Variants in VAV3 observed in about 807,000 individuals in gnomAD.
The protein encoded by VAV3 is guanine nucleotide exchange factor VAV3.
Under a neutral mutation model 131.2 loss-of-function variants are expected in VAV3, and 94 were observed. The ratio of observed to expected loss-of-function variants is 0.72; its 90% CI spans 0.61 to 0.85. VAV3 has a LOEUF of 0.85. Among genes scored for constraint, VAV3 ranks in the 40% least tolerant of loss-of-function variants. The probability of loss-of-function intolerance (pLI) is 0.00; values close to 1 mark genes in which losing one functional copy is unlikely to be tolerated. For synonymous variants in VAV3, 349 were observed against 342.0 expected, an observed-to-expected ratio of 1.02 and a Z score of -0.22; for missense variants, 939 against 1,002.7, an observed-to-expected ratio of 0.94 and a Z score of 0.86.
At chr1:107,949,717 A>G (rs373691277) in intron 1 of VAV3, among the ~76,000 whole-genome samples, 7 of 152,258 alleles carry the variant, frequency 4.6e-5, no homozygotes, top group African/African-American at 1.7e-4. Context: ...TATATTTTAC[A>G]GAATCCCAAA....
chr1:107,753,511 C>CACATATATACATAT (rs1663883814), intron 12 of VAV3, among the ~76,000 whole-genome samples: 1 of 88,510 alleles, frequency 1.1e-5, no homozygotes, highest in African/African-American at 4.2e-5. Flanking sequence ...TATATATACA[C>CACATATATACATAT]ACATATATAT....
chr1:107,577,961 C>T (rs1649770288), intron 25 of VAV3, among the ~76,000 whole-genome samples: 2 of 152,184 alleles, frequency 1.3e-5, no homozygotes, highest in South Asian at 4.1e-4. Flanking sequence ...AATGAGTTCA[C>T]ATCATCTTCC....
rs144114266 is a variant in VAV3 at position 107,768,426 on chromosome 1, C to A, written c.717+15G>T. 2 of 1,604,366 alleles carry A rather than the reference C, an allele frequency of 1.2e-6. No homozygotes were observed. Among genetic ancestry groups the A allele is most frequent in the African/African-American group, 2.7e-5 (2 of 74,808 alleles). ...TGAAGTACACCACAATTTTAGCTAG[C>A]ATATTTTTACTCACAGGAATGTTGA... On this transcript the variant is annotated intron_variant, in intron 7 of 26. Transcript: ENST00000370056.
intron 2 of VAV3, chr1:107,785,463 G>C: frequency 7.5e-7 from 1 of 1,328,652 alleles, no homozygotes; most frequent in Non-Finnish European, 9.9e-7. Context: ...CTTACAGGGA[G>C]GTGGGCTCTG....
intron 15 of VAV3, among the ~76,000 whole-genome samples, chr1:107,728,602 T>C (rs1662005169): frequency 2.1e-5 from 2 of 95,252 alleles, no homozygotes; most frequent in Non-Finnish European, 5.0e-5. Context: ...TACGTATACG[T>C]ATATGTATAT....
chr1:107,666,352 G>A (rs1433062951), intron 19 of VAV3, among the ~76,000 whole-genome samples: 2 of 152,186 alleles, frequency 1.3e-5, no homozygotes, highest in Admixed American at 6.5e-5. Context: ...CAAAAATATA[G>A]TTCTTGGAGA....
chr1:107,739,466 G>A (rs549286726), intron 15 of VAV3, among the ~76,000 whole-genome samples: 38 of 152,236 alleles, frequency 2.5e-4, no homozygotes, highest in African/African-American at 8.9e-4. Context: ...AGGGAGAGTT[G>A]AGCTGGCTTC....
intron 1 of VAV3, among the ~76,000 whole-genome samples, chr1:107,918,934 T>C (rs1368378289): frequency 1.3e-5 from 2 of 151,994 alleles, no homozygotes; most frequent in Non-Finnish European, 2.9e-5. Context: ...CTTGAACTCC[T>C]GACCTCAGGT....
intron 1 of VAV3, among the ~76,000 whole-genome samples, chr1:107,879,767 C>T (rs567082463): frequency 3.3e-5 from 5 of 152,032 alleles, no homozygotes; most frequent in African/African-American, 1.2e-4. Context: ...CATAAGTTAA[C>T]TTAACAATTT....
chr1:107,596,537 T>C (rs1054629685), intron 24 of VAV3, among the ~76,000 whole-genome samples, 196 bp from the exon 25 acceptor site: 1 of 152,098 alleles, frequency 6.6e-6, no homozygotes, highest in Admixed American at 6.6e-5. Context: ...GCTGTCCTTG[T>C]TACTCAGGCC....
chr1:107,891,808 C>T (rs1249964431), intron 1 of VAV3, among the ~76,000 whole-genome samples: 1 of 135,424 alleles, frequency 7.4e-6, no homozygotes, highest in African/African-American at 2.8e-5. Flanking sequence ...CATTGCAGTC[C>T]AGCCTGGGGG....
intron 19 of VAV3, among the ~76,000 whole-genome samples, chr1:107,645,401 A>G (rs553385131): frequency 6.6e-6 from 1 of 151,548 alleles, no homozygotes; most frequent in East Asian, 1.9e-4. Flanking sequence ...TTTCAGCATG[A>G]TCTGTTGTCA....
chr1:107,669,545 C>T (rs546594118), intron 19 of VAV3: 1 of 1,240,604 alleles, frequency 8.1e-7, no homozygotes, highest in Non-Finnish European at 1.0e-6. Flanking sequence ...CCATTCCTAT[C>T]TTTGATACTC....
intron 15 of VAV3, among the ~76,000 whole-genome samples, chr1:107,727,414 C>G (rs1217222413): frequency 6.6e-6 from 1 of 152,212 alleles, no homozygotes; most frequent in Non-Finnish European, 1.5e-5. Context: ...TTCTCAGCTG[C>G]TTTAACTTTC....
chr1:107,885,880 G>A (rs1418496102), intron 1 of VAV3, among the ~76,000 whole-genome samples: 3 of 152,188 alleles, frequency 2.0e-5, no homozygotes, highest in Non-Finnish European at 4.4e-5. Flanking sequence ...GGGAGCTACA[G>A]GTTCTTTCCT....
At chr1:107,699,645 C>A (rs1007015167) in intron 17 of VAV3, among the ~76,000 whole-genome samples, 2 of 152,218 alleles carry the variant, frequency 1.3e-5, no homozygotes, top group Non-Finnish European at 2.9e-5. Context: ...AGGGCCCTGA[C>A]CCTGCAGCAG....
intron 25 of VAV3, chr1:107,578,816 A>T (rs191757728): frequency 1.3e-4 from 126 of 984,954 alleles, no homozygotes; most frequent in Non-Finnish European, 1.5e-4. Flanking sequence ...ATAAAACACT[A>T]TATTTCTCCA....
intron 11 of VAV3, 92 bp downstream of exon 11, chr1:107,757,169 G>C: frequency 2.6e-6 from 2 of 782,066 alleles, no homozygotes; most frequent in Non-Finnish European, 4.3e-6. Context: ...GTGTGTGTGT[G>C]TGTGTGTGTG....
intron 1 of VAV3, among the ~76,000 whole-genome samples, chr1:107,946,396 G>T (rs978534389): frequency 6.6e-6 from 1 of 152,182 alleles, no homozygotes; most frequent in Non-Finnish European, 1.5e-5. Flanking sequence ...ACTGAGATTG[G>T]AATAAAATCT....
Sources: gnomAD v4.1 joint callset for allele counts (sites outside exome capture counted in the v4.1 genomes callset) on GRCh38, gnomAD v4.1.1 for gene constraint, MANE v1.5 for transcripts, NCBI Gene and HGNC (gene_info 2026-07-23, HGNC 2026-07-21) for gene names.